TMEM132B: variants seen among roughly 807,000 people sequenced by gnomAD.
TMEM132B encodes transmembrane protein 132B.
Under a neutral mutation model 90.8 loss-of-function variants are expected in TMEM132B, and 18 were observed. The observed-to-expected ratio is 0.20, with a 90% confidence interval of 0.14 to 0.29. The LOEUF (loss-of-function observed/expected upper bound fraction) is 0.29. Among genes scored for constraint, TMEM132B ranks in the 10% least tolerant of loss-of-function variants. TMEM132B has a pLI of 1.00. For missense variants in TMEM132B, 1,096 were observed against 1,326.8 expected (o/e 0.83, Z 2.70); for synonymous variants, 504 against 523.3 (o/e 0.96, Z 0.50).
At chr12:125,298,968 C>T (rs1303834825) in intron 1 of TMEM132B, among the ~76,000 whole-genome samples, 4 of 151,870 alleles carry the variant, frequency 2.6e-5, no homozygotes, top group South Asian at 2.1e-4. Flanking sequence ...CTCCTGACCT[C>T]GTGATCTGCC....
At chr12:125,428,802 C>G (rs1487713766) in intron 3 of TMEM132B, among the ~76,000 whole-genome samples, 1 of 152,104 alleles carries the variant, frequency 6.6e-6, no homozygotes, top group Middle Eastern at 3.2e-3. Context: ...GGCCAACATC[C>G]TATGTTGCTT....
intron 3 of TMEM132B, among the ~76,000 whole-genome samples, chr12:125,494,481 T>C (rs1592954354): frequency 1.5e-4 from 13 of 85,448 alleles, no homozygotes; most frequent in Admixed American, 3.2e-4. Context: ...GCGTCCCTCC[T>C]CCCCCTCTTC....
intron 1 of TMEM132B, among the ~76,000 whole-genome samples, chr12:125,210,979 G>C (rs555702514): frequency 6.6e-6 from 1 of 152,096 alleles, no homozygotes; most frequent in South Asian, 2.1e-4. Context: ...GAAAGTACAG[G>C]AGAATCACTT....
In TMEM132B at chr12:125,407,930, C is replaced by T. The variant is rs1180781485; in HGVS notation, c.960-7601C>T. Among the ~76,000 whole-genome samples, 3 of 152,160 alleles carry T rather than the reference C, an allele frequency of 2.0e-5. No homozygotes were observed. The highest frequency in any genetic ancestry group is 4.4e-5 in the Non-Finnish European group (3 of 68,034). On this transcript the variant is annotated intron_variant, in intron 2 of 8. Coordinates refer to ENST00000682704, the MANE Select transcript of TMEM132B (RefSeq NM_001366854.1). The surrounding 1 kb of genome is among the most constrained non-coding windows in gnomAD (Gnocchi z 6.7). ...CTACATGCAGAAGAGTCCACATAAG[C>T]GAGCACAGACTGATGAGTTCTCACA...
Position 125,459,244 on chromosome 12 carries a change from G to A in TMEM132B, c.1106+43567G>A, listed in dbSNP as rs1881374506. On this transcript the variant is annotated intron_variant, in intron 3 of 8. Transcript: ENST00000682704. The surrounding 1 kb of genome is among the most constrained non-coding windows in gnomAD (Gnocchi z 4.1). Reference sequence around the variant, plus strand: ...ATAGTGGGACCCTCTTCTACGTGTGGGGAACCGCCAGCATGTCCTTGGCTC... The same window carrying A: ...ATAGTGGGACCCTCTTCTACGTGTGAGGAACCGCCAGCATGTCCTTGGCTC... 6.6e-6 allele frequency among the ~76,000 whole-genome samples: 1 copy of A among 152,108 alleles called. No individual in the cohort carries two copies. The highest frequency in any genetic ancestry group is 1.5e-5 in the Non-Finnish European group (1 of 68,012).
intron 4 of TMEM132B, among the ~76,000 whole-genome samples, chr12:125,534,240 G>C (rs757313124): frequency 9.9e-5 from 15 of 152,154 alleles, no homozygotes; most frequent in Non-Finnish European, 2.2e-4. Context: ...TTGCTGGCTG[G>C]GCACAGTGGC....
In TMEM132B at chr12:125,654,487, A is replaced by T; in HGVS notation, c.3029A>T (p.Tyr1010Phe). Reference protein sequence around the residue: ...SQLLRPSDYVYEKEIKNEPMN... With the variant: ...SQLLRPSDYVFEKEIKNEPMN... Reference sequence around the variant, plus strand: ...CTACTCAGACCCTCTGACTATGTCTATGAGAAAGAAATTAAAAATGAACCT... The same window carrying T: ...CTACTCAGACCCTCTGACTATGTCTTTGAGAAAGAAATTAAAAATGAACCT... Residue 1010 changes from tyrosine (Y) to phenylalanine (F), a missense_variant, in exon 9 of 9, where the codon TAT becomes TTT. Physicochemically the swap from Tyr to Phe is conservative, Grantham distance 22 (BLOSUM62 3). Coordinates refer to ENST00000682704, the MANE Select transcript of TMEM132B (RefSeq NM_001366854.1). The surrounding 1 kb of genome is among the most constrained non-coding windows in gnomAD (Gnocchi z 5.8). 6.2e-7 allele frequency: 1 copy of T among 1,613,930 alleles called. No individual in the cohort carries two copies. Among genetic ancestry groups the T allele is most frequent in the Non-Finnish European group, 8.5e-7 (1 of 1,180,036 alleles).
chr12:125,288,417 C>T (rs144604446), intron 1 of TMEM132B, among the ~76,000 whole-genome samples: 9,577 of 146,582 alleles, frequency 0.065, 980 homozygotes, highest in African/African-American at 0.23. Flanking sequence ...GAGCCAACAT[C>T]GCGCCACTGC....
intron 3 of TMEM132B, among the ~76,000 whole-genome samples, chr12:125,454,376 GTGTGTGTGTGTGTGTT>G (rs1208125927): frequency 5.7e-5 from 6 of 104,918 alleles, no homozygotes; most frequent in East Asian, 2.9e-4. Flanking sequence ...ACAGCCAGCC[GTGTGTGTGTGTGTGTT>G]TGTGTGTGTG....
At chr12:125,243,306 C>T (rs895829118) in intron 1 of TMEM132B, among the ~76,000 whole-genome samples, 1 of 149,218 alleles carries the variant, frequency 6.7e-6, no homozygotes, top group Admixed American at 6.7e-5. Flanking sequence ...CCATGGCTGG[C>T]TAATTTTTTT....
chr12:125,268,539 A>G (rs1407092739), intron 1 of TMEM132B, among the ~76,000 whole-genome samples: 3 of 152,250 alleles, frequency 2.0e-5, no homozygotes, highest in Admixed American at 2.0e-4. Flanking sequence ...AAAGATTGCT[A>G]AGTGAAAAAC....
At chr12:125,318,306 GTTTC>G (rs147201085) in intron 1 of TMEM132B, among the ~76,000 whole-genome samples, 28,937 of 150,492 alleles carry the variant, frequency 0.19, 2,833 homozygotes, top group East Asian at 0.29. Context: ...GCAGTGACCT[GTTTC>G]TTTCTTTCTT....
chr12:125,480,563 A>C (rs550330792), intron 3 of TMEM132B, among the ~76,000 whole-genome samples: 66 of 152,382 alleles, frequency 4.3e-4, no homozygotes, highest in African/African-American at 1.5e-3. Flanking sequence ...AACCAGGAAG[A>C]AGTTGAATTG....
chr12:125,526,143 C>G (rs1405700510), intron 4 of TMEM132B, among the ~76,000 whole-genome samples: 2 of 152,174 alleles, frequency 1.3e-5, no homozygotes, highest in African/African-American at 4.8e-5. Flanking sequence ...TACCCCGTTA[C>G]CAGCCTCCCT....
Position 125,660,628 on chromosome 12 carries a change from G to A in TMEM132B, c.*5918G>A, listed in dbSNP as rs1482145704. On this transcript the variant is annotated 3_prime_UTR_variant, in exon 9 of 9. Coordinates refer to ENST00000682704, the MANE Select transcript of TMEM132B (RefSeq NM_001366854.1). ...CTATTCTATGACTCAAGACAACTAG[G>A]ACACCATCATTTTCCAGATAAGAAA... 1 of 152,134 alleles carries A rather than the reference G, an allele frequency of 6.6e-6. No individual in the cohort carries two copies. Among genetic ancestry groups the A allele is most frequent in the East Asian group, 1.9e-4 (1 of 5,188 alleles). The allele number at this position is 152,134 out of a possible 1,614,324, so 9.4% of individuals were successfully genotyped here. A position where few individuals can be genotyped will look rare whatever the true frequency, so the allele number is the denominator to read the frequency against.
rs1014783063 is a variant in TMEM132B, at chr12:125,595,003, C to A, written c.1437+11009C>A. On this transcript the variant is annotated intron_variant, in intron 5 of 8. Transcript: ENST00000682704. ...AATGAATGGATGCCATTCCCATGGA[C>A]AAACAAAAGGCATGACGGGAACTCA... Among the ~76,000 whole-genome samples, 5 of 152,224 alleles carry A rather than the reference C, an allele frequency of 3.3e-5. No homozygotes were observed. In the East Asian group the frequency reaches 9.7e-4, roughly 29 times the overall value.
intron 2 of TMEM132B, among the ~76,000 whole-genome samples, chr12:125,390,296 C>A (rs1878972399): frequency 6.6e-6 from 1 of 152,214 alleles, no homozygotes; most frequent in South Asian, 2.1e-4. Context: ...AGTGAGAAAA[C>A]AAACTACTGC....
At chr12:125,389,340 C>A (rs1593118196) in intron 2 of TMEM132B, among the ~76,000 whole-genome samples, 1 of 137,376 alleles carries the variant, frequency 7.3e-6, no homozygotes, top group Admixed American at 7.4e-5. Flanking sequence ...TCCCTCCCCT[C>A]CCCTCCCCTC....
At chr12:125,552,653 G>A (rs567865215) in intron 4 of TMEM132B, among the ~76,000 whole-genome samples, 1 of 152,362 alleles carries the variant, frequency 6.6e-6, no homozygotes, top group East Asian at 1.9e-4. Context: ...AGCTTTTCCA[G>A]AATGTCACTG....
Sources: gnomAD v4.1 joint callset for allele counts (sites outside exome capture counted in the v4.1 genomes callset) on GRCh38, gnomAD v4.1.1 for gene constraint, Gnocchi (gnomAD v3.1) non-coding constraint, MANE v1.5 for transcripts, NCBI Gene and HGNC (gene_info 2026-07-23, HGNC 2026-07-21) for gene names.